The following UMODL1 variants were observed in gnomAD, a reference collection of about 807,000 sequenced individuals.
The protein encoded by UMODL1 is uromodulin like 1, also known as uromodulin-like 1.
Under a neutral mutation model 136.3 loss-of-function variants are expected in UMODL1, and 128 were observed. That is an observed-to-expected ratio of 0.94 (90% CI 0.81 to 1.09). UMODL1 has a LOEUF of 1.09. UMODL1 is among the 50% of genes least tolerant of loss of function. UMODL1 has a pLI of 0.00. For synonymous variants in UMODL1, 721 were observed against 720.0 expected (o/e 1.00, Z -0.02); for missense variants, 1,766 against 1,725.6 (o/e 1.02, Z -0.41).
intron 21 of UMODL1, among the ~76,000 whole-genome samples, chr21:42,130,037 G>C (rs184091135): frequency 6.6e-6 from 1 of 152,166 alleles, no homozygotes; most frequent in Non-Finnish European, 1.5e-5. Flanking sequence ...TATGGAGCAT[G>C]AGCTATTACC....
Position 42,129,358 on chromosome 21 carries a change from C to A in UMODL1, c.3691-355C>A, listed in dbSNP as rs140678028. Among the ~76,000 whole-genome samples the A allele has an allele frequency of 6.5e-4, 99 of 152,242 alleles. No individual in the cohort carries two copies. The East Asian group carries it at 0.017, about 26-fold the overall frequency. On this transcript the variant is annotated intron_variant, in intron 20 of 22. Coordinates refer to ENST00000408910, the MANE Select transcript of UMODL1 (RefSeq NM_001004416.3). ...AAAGGGGAACAAATGGCTGCAGCAACCTTTGGAGAACACAGAGGGACTCTG... is the reference window on the plus strand; with the variant it reads ...AAAGGGGAACAAATGGCTGCAGCAAACTTTGGAGAACACAGAGGGACTCTG...
intron 2 of UMODL1, among the ~76,000 whole-genome samples, 194 bp downstream of exon 2, chr21:42,076,441 G>A (rs1230140225): frequency 1.3e-5 from 2 of 152,224 alleles, no homozygotes; most frequent in African/African-American, 2.4e-5. Context: ...GTCCGTGGGT[G>A]GGGGTGAAGT....
upstream of UMODL1, among the ~76,000 whole-genome samples, chr21:42,069,269 A>ACACACACACAC (rs1171449440): frequency 6.4e-4 from 30 of 46,640 alleles, 1 homozygote; most frequent in Admixed American, 2.6e-3. Flanking sequence ...CACACACACA[A>ACACACACACAC]ACAGCAGGGG....
At chr21:42,077,220 CCA>C (rs983785102) in intron 2 of UMODL1, among the ~76,000 whole-genome samples, 3 of 151,862 alleles carry the variant, frequency 2.0e-5, no homozygotes, top group Non-Finnish European at 4.4e-5. Context: ...GCTGTGACCT[CCA>C]GAGTGCAGAA....
intron 6 of UMODL1, among the ~76,000 whole-genome samples, chr21:42,091,063 C>G (rs920858457): frequency 6.6e-6 from 1 of 152,160 alleles, no homozygotes; most frequent in Non-Finnish European, 1.5e-5. Context: ...GCTGGCTAAC[C>G]GGCACAGAAT....
intron 9 of UMODL1, among the ~76,000 whole-genome samples, chr21:42,104,745 C>T (rs1000555442): frequency 6.6e-6 from 1 of 152,194 alleles, no homozygotes; most frequent in Non-Finnish European, 1.5e-5. Context: ...CCACCGCGCC[C>T]GGCCTCTGTG....
intron 21 of UMODL1, among the ~76,000 whole-genome samples, chr21:42,133,308 G>A (rs778067283): frequency 6.6e-6 from 1 of 152,186 alleles, no homozygotes; most frequent in Non-Finnish European, 1.5e-5. Flanking sequence ...CATCACCTCC[G>A]TTTCAGGGAA....
intron 9 of UMODL1, among the ~76,000 whole-genome samples, chr21:42,104,650 G>A (rs1026057837): frequency 3.3e-5 from 5 of 152,046 alleles, no homozygotes; most frequent in African/African-American, 1.2e-4. Flanking sequence ...GGGTTTCACC[G>A]TGTTGGTCAG....
intron 14 of UMODL1, among the ~76,000 whole-genome samples, chr21:42,118,290 G>A (rs1176242016): frequency 6.6e-6 from 1 of 152,218 alleles, no homozygotes; most frequent in Non-Finnish European, 1.5e-5. Flanking sequence ...GGGTCCACAG[G>A]CTCTGAGAGG....
upstream of UMODL1, among the ~76,000 whole-genome samples, chr21:42,067,757 C>T (rs752479631): frequency 2.0e-5 from 3 of 152,242 alleles, no homozygotes; most frequent in Non-Finnish European, 2.9e-5. Flanking sequence ...GGCCTTGCCA[C>T]GAGAAAGCGA....
At chr21:42,140,395 C>T (rs1025805652) in intron 22 of UMODL1, among the ~76,000 whole-genome samples, 1 of 150,946 alleles carries the variant, frequency 6.6e-6, no homozygotes, top group African/African-American at 2.4e-5. Flanking sequence ...GGATGTGTCC[C>T]AGGTCACGTG....
chr21:42,127,735 C>A lies in UMODL1; in HGVS notation c.3594C>A (p.Phe1198Leu). 1 of 1,614,210 alleles carries A rather than the reference C, an allele frequency of 6.2e-7. No homozygotes were observed. Among genetic ancestry groups the A allele is most frequent in the South Asian group, 1.1e-5 (1 of 91,066 alleles). ...ACGGCAACTCCAATAAGGCCCAGTT[C>A]AAGCTGAGGATCTTTTCCTTTATCA... ...IENGNSNKAQ[F>L]KLRIFSFIND... Residue 1198 changes from phenylalanine to leucine, a missense_variant, in exon 20 of 23, where the codon TTC (phenylalanine) becomes TTA (leucine). By Grantham distance (22) the Phe-to-Leu change is conservative (BLOSUM62 0). Coordinates refer to ENST00000408910, the MANE Select transcript of UMODL1 (RefSeq NM_001004416.3).
At chr21:42,119,656 A>G (rs1041132807) in intron 15 of UMODL1, among the ~76,000 whole-genome samples, 11 of 152,204 alleles carry the variant, frequency 7.2e-5, no homozygotes, top group Non-Finnish European at 1.6e-4. Context: ...CTCTCCCCCA[A>G]GCATAGTTCC....
intron 6 of UMODL1, among the ~76,000 whole-genome samples, chr21:42,096,459 C>T (rs2066558821): frequency 6.6e-6 from 1 of 152,218 alleles, no homozygotes; most frequent in Admixed American, 6.5e-5. Context: ...GTAAAGCATG[C>T]ATTGCCAGCC....
At chr21:42,098,713 G>A (rs2066588281) in intron 6 of UMODL1, among the ~76,000 whole-genome samples, 2 of 152,294 alleles carry the variant, frequency 1.3e-5, no homozygotes, top group East Asian at 1.9e-4. Context: ...GTTGCAGTGA[G>A]CCGAGATCGC....
chr21:42,121,631 C>T (rs2066974462), intron 16 of UMODL1, among the ~76,000 whole-genome samples: 1 of 152,240 alleles, frequency 6.6e-6, no homozygotes, highest in Admixed American at 6.5e-5. Context: ...CAGCTCTTTT[C>T]CTGCTAAACG....
In UMODL1 at chr21:42,126,500, A is replaced by G. The variant is rs753655524; in HGVS notation, c.3293+10A>G. ...TCACCCTGGAGTGGGGGTAAGGGAG[A>G]AATGCCCCGGCTGCCCCACAGCCAC... On this transcript the variant is annotated intron_variant, in intron 18 of 22. Coordinates refer to ENST00000408910, the MANE Select transcript of UMODL1 (RefSeq NM_001004416.3). 11 of 1,614,140 alleles carry G rather than the reference A, an allele frequency of 6.8e-6. No homozygotes were observed. The highest frequency in any genetic ancestry group is 5.0e-5 in the Admixed American group (3 of 60,020).
At chr21:42,111,804 C>T in intron 12 of UMODL1, 94 bp downstream of exon 12, 1 of 1,272,066 alleles carries the variant, frequency 7.9e-7, no homozygotes, top group African/African-American at 1.5e-5. Flanking sequence ...CGTGGAGTCG[C>T]AGGCTGCTAG....
At position 42,126,434 on chromosome 21, in the gene UMODL1, C is replaced by G; in HGVS notation, c.3237C>G (p.Ile1079Met). The change falls in exon 18 of 23, where the codon ATC becomes ATG. Residue 1079 changes from isoleucine to methionine, a missense_variant. Physicochemically the swap from Ile to Met is conservative, Grantham distance 10. Transcript: ENST00000408910. ...IIHHLKILSP[I>M]YCAFQNDLLT... ...ACCACCTGAAGATCCTGAGCCCCAT[C>G]TACTGCGCCTTCCAGAATGACCTGC... 1 of 1,614,260 alleles carries G rather than the reference C, an allele frequency of 6.2e-7. No homozygotes were observed. The highest frequency in any genetic ancestry group is 8.5e-7 in the Non-Finnish European group (1 of 1,180,042).
Sources: allele counts gnomAD v4.1 joint callset (sites outside exome capture counted in the v4.1 genomes callset), GRCh38; gene constraint gnomAD v4.1.1; transcripts MANE v1.5; gene names NCBI Gene and HGNC (gene_info 2026-07-23, HGNC 2026-07-21).